Variants in KDM6A observed in about 807,000 individuals in gnomAD.
KDM6A encodes the protein lysine-specific demethylase 6A.
A neutral mutation model predicts 117.6 loss-of-function variants in KDM6A; 11 were observed. The ratio of observed to expected loss-of-function variants is 0.09; its 90% CI spans 0.06 to 0.15. The LOEUF (loss-of-function observed/expected upper bound fraction) is 0.15. Among genes scored for constraint, KDM6A ranks in the 10% least tolerant of loss-of-function variants. The pLI, the probability that KDM6A is intolerant of heterozygous loss-of-function variation, is 1.00. For synonymous variants in KDM6A, 384 were observed against 396.1 expected (o/e 0.97, Z 0.36); for missense variants, 799 against 1,077.3 (o/e 0.74, Z 3.62).
At chrX:45,082,861 C>T in intron 23 of KDM6A, 72 bp downstream of exon 23, 1 of 668,628 alleles carries the variant, frequency 1.5e-6, no homozygotes. Context: ...GAATTCTCTA[C>T]AATTTCCTCT....
At chrX:44,875,825 T>C (rs921676607) in intron 2 of KDM6A, among the ~76,000 whole-genome samples, 5 of 111,829 alleles carry the variant, frequency 4.5e-5, no homozygotes, top group African/African-American at 1.6e-4. Context: ...ATGTTGAGAA[T>C]GTGTAAAATG....
At chrX:44,885,432 A>C (rs2032767435) in intron 2 of KDM6A, among the ~76,000 whole-genome samples, 1 of 111,122 alleles carries the variant, frequency 9.0e-6, no homozygotes, top group Non-Finnish European at 1.9e-5. Context: ...CAATTTTTTG[A>C]ATATAGGTAT....
At chrX:45,103,901 A>G (rs771543333) in intron 27 of KDM6A, among the ~76,000 whole-genome samples, 2 of 112,144 alleles carry the variant, frequency 1.8e-5, no homozygotes, top group Admixed American at 1.9e-4. Context: ...CTGCTTTTCT[A>G]GCTGTTGAAA....
In KDM6A at chrX:45,106,858, T is replaced by C. The variant is rs778618538; in HGVS notation, c.4035-552T>C. The C allele has an allele frequency of 1.0e-4, 24 of 236,771 alleles. No individual in the cohort carries two copies. In the South Asian group the frequency reaches 1.2e-3, roughly 11 times the overall value. 19.5% of individuals were successfully genotyped at this position (236,771 alleles called of 1,213,427 possible). ...AGACATACTTTTTTCTTTAGTATTA[T>C]AGTTAAACGAATATTGTATCCTGTA... On this transcript the variant is annotated intron_variant, in intron 27 of 29. Coordinates refer to ENST00000611820, the MANE Select transcript of KDM6A (RefSeq NM_001291415.2).
chrX:44,963,218 T>C (rs2038780598), intron 3 of KDM6A, among the ~76,000 whole-genome samples: 1 of 110,756 alleles, frequency 9.0e-6, no homozygotes, highest in South Asian at 3.9e-4. Flanking sequence ...TTCCAGCATT[T>C]TGGGAGGCCA....
At chrX:45,038,075 T>C (rs149934761) in intron 8 of KDM6A, among the ~76,000 whole-genome samples, 34 of 110,677 alleles carry the variant, frequency 3.1e-4, no homozygotes, top group African/African-American at 1.1e-3. Context: ...TACAAAAAAT[T>C]AGCTGGGCAT....
intron 2 of KDM6A, among the ~76,000 whole-genome samples, chrX:44,881,567 C>T (rs1262585127): frequency 1.8e-5 from 2 of 111,317 alleles, no homozygotes; most frequent in East Asian, 2.8e-4. Context: ...TTTTCTCTTA[C>T]CTATTTCTTC....
At chrX:44,957,074 G>A (rs1331028255) in intron 2 of KDM6A, among the ~76,000 whole-genome samples, 2 of 110,495 alleles carry the variant, frequency 1.8e-5, no homozygotes, top group African/African-American at 3.3e-5. Context: ...AGGTTGCAAT[G>A]AGCTGAGACC....
At chrX:44,911,116 G>A (rs1438415070) in intron 2 of KDM6A, among the ~76,000 whole-genome samples, 6 of 101,648 alleles carry the variant, frequency 5.9e-5, no homozygotes, top group Non-Finnish European at 1.2e-4. Context: ...GCGGCTGGCC[G>A]GGCGGGGGCT....
chrX:45,035,090 T>C (rs1336060510), intron 7 of KDM6A, 105 bp downstream of exon 7: 1 of 686,267 alleles, frequency 1.5e-6, no homozygotes, highest in African/African-American at 2.1e-5. Flanking sequence ...TCTTTTAGAA[T>C]TGTTTAATGT....
chrX:45,063,378 A>G (rs757908008), intron 16 of KDM6A, 44 bp from the exon 17 acceptor site: 4 of 1,160,942 alleles, frequency 3.4e-6, no homozygotes, highest in Non-Finnish European at 4.7e-6. Context: ...TCTTCCCTAT[A>G]GATTACACAA....
chrX:44,994,826 T>G lies in KDM6A; in HGVS notation c.385-16135T>G, dbSNP rs1183065774. 2.7e-5 allele frequency among the ~76,000 whole-genome samples: 3 copies of G among 111,057 alleles called. No homozygotes were observed. The Admixed American group carries it at 2.9e-4, about 11-fold the overall frequency. Reference sequence around the variant, plus strand: ...ACAGGCTAAACTAATTCTGATTGGCTAATTTAAAGAGAGTGACGGGGTGAG... The same window carrying G: ...ACAGGCTAAACTAATTCTGATTGGCGAATTTAAAGAGAGTGACGGGGTGAG... On this transcript the variant is annotated intron_variant, in intron 4 of 29. Coordinates refer to ENST00000611820, the MANE Select transcript of KDM6A (RefSeq NM_001291415.2).
At chrX:44,874,085 G>T in intron 2 of KDM6A, 98 bp downstream of exon 2, 1 of 803,075 alleles carries the variant, frequency 1.2e-6, no homozygotes, top group Non-Finnish European at 1.9e-6. Flanking sequence ...TTGTGGCCAC[G>T]GACGATGGTC....
At chrX:44,890,932 C>T (rs780501957) in intron 2 of KDM6A, among the ~76,000 whole-genome samples, 4 of 110,782 alleles carry the variant, frequency 3.6e-5, no homozygotes, top group Non-Finnish European at 5.7e-5. Context: ...GCGTGAGCCA[C>T]TGCACCTGGC....
At chrX:45,058,081 C>A (rs1467182849) in intron 10 of KDM6A, among the ~76,000 whole-genome samples, 1 of 77,111 alleles carries the variant, frequency 1.3e-5, no homozygotes, top group Non-Finnish European at 2.5e-5. Flanking sequence ...ACTCTCCCCC[C>A]CCCCCCTTTT....
chrX:44,989,548 C>G (rs779587205), intron 4 of KDM6A, among the ~76,000 whole-genome samples: 1 of 111,115 alleles, frequency 9.0e-6, no homozygotes, highest in Non-Finnish European at 1.9e-5. Context: ...TGGCTCCACC[C>G]GCTCTCCCAT....
At chrX:45,070,551 CTTATT>C (rs2044772950) in intron 18 of KDM6A, among the ~76,000 whole-genome samples, 194 bp downstream of exon 18, 1 of 111,185 alleles carries the variant, frequency 9.0e-6, no homozygotes, top group Non-Finnish European at 1.9e-5. Flanking sequence ...CTGTAAATTG[CTTATT>C]TTGAGTGGGT....
intron 4 of KDM6A, among the ~76,000 whole-genome samples, chrX:44,987,813 C>T (rs1183626008): frequency 6.3e-5 from 7 of 111,094 alleles, no homozygotes; most frequent in East Asian, 5.7e-4. Context: ...GTGGGTAACC[C>T]GACCTTTCTC....
intron 2 of KDM6A, among the ~76,000 whole-genome samples, chrX:44,911,735 A>G (rs886586613): frequency 8.9e-6 from 1 of 111,848 alleles, no homozygotes; most frequent in Non-Finnish European, 1.9e-5. Context: ...AGCCTGGGCA[A>G]CATTGAGCAC....
Sources: gnomAD v4.1 joint callset for allele counts (sites outside exome capture counted in the v4.1 genomes callset) on GRCh38, gnomAD v4.1.1 for gene constraint, MANE v1.5 for transcripts, NCBI Gene and HGNC (gene_info 2026-07-23, HGNC 2026-07-21) for gene names.